Variants in DIAPH3 observed in about 807,000 individuals in gnomAD.
DIAPH3 encodes protein diaphanous homolog 3.
Under a neutral mutation model 144.3 loss-of-function variants are expected in DIAPH3, and 117 were observed. That is an observed-to-expected ratio of 0.81 (90% CI 0.70 to 0.95). The LOEUF (loss-of-function observed/expected upper bound fraction) is 0.95, where lower values mean the gene tolerates loss of function less well. Ranked by LOEUF, DIAPH3 falls within the 40% of genes least tolerant of loss-of-function variation. DIAPH3 has a pLI of 0.00. For synonymous variants in DIAPH3, 519 were observed against 488.9 expected (o/e 1.06, Z -0.81); for missense variants, 1,421 against 1,412.7 (o/e 1.01, Z -0.09).
intron 4 of DIAPH3, among the ~76,000 whole-genome samples, chr13:60,052,959 TAAAAAAAAAAAA>T (rs559991017): frequency 4.9e-5 from 2 of 40,660 alleles, no homozygotes; most frequent in Non-Finnish European, 8.0e-5. Flanking sequence ...GACTCCCTCT[TAAAAAAAAAAAA>T]AAAAAAAAAG....
intron 27 of DIAPH3, among the ~76,000 whole-genome samples, chr13:59,728,378 TAA>T (rs1482477973): frequency 6.6e-6 from 1 of 151,872 alleles, no homozygotes; most frequent in Non-Finnish European, 1.5e-5. Flanking sequence ...TTCCTGGAAA[TAA>T]TTAGGAAAAA....
At chr13:59,768,539 G>A (rs2037965712) in intron 27 of DIAPH3, among the ~76,000 whole-genome samples, 1 of 152,060 alleles carries the variant, frequency 6.6e-6, no homozygotes, top group Non-Finnish European at 1.5e-5. Context: ...TTGAGAAAAG[G>A]CAGGTCAAGA....
intron 27 of DIAPH3, among the ~76,000 whole-genome samples, chr13:59,764,077 T>C (rs1021770638): frequency 4.6e-5 from 7 of 151,952 alleles, no homozygotes; most frequent in Middle Eastern, 3.2e-3. Flanking sequence ...AAAAGGGAGT[T>C]AGAAGAGGCT....
In DIAPH3 at chr13:60,078,348, T is replaced by C. The variant is rs553144163; in HGVS notation, c.495+15280A>G. ...GACTAAAGAGAGAACAGGAGCTGGT[T>C]TGTGGTATAAGAAGGGCGGAACTAG... On this transcript the variant is annotated intron_variant, in intron 4 of 27. Transcript: ENST00000400324. 2.2e-4 allele frequency among the ~76,000 whole-genome samples: 33 copies of C among 152,146 alleles called. 1 individual carries two copies. The highest frequency in any genetic ancestry group is 7.9e-4 in the African/African-American group (33 of 41,526).
intron 17 of DIAPH3, among the ~76,000 whole-genome samples, chr13:59,963,052 C>T (rs1214255494): frequency 6.6e-6 from 1 of 152,044 alleles, no homozygotes; most frequent in Non-Finnish European, 1.5e-5. Flanking sequence ...ATTCTATTTG[C>T]AGACCCCAAG....
intron 18 of DIAPH3, among the ~76,000 whole-genome samples, 183 bp downstream of exon 18, chr13:59,924,592 T>C (rs549285743): frequency 2.6e-5 from 4 of 152,056 alleles, no homozygotes; most frequent in East Asian, 1.9e-4. Context: ...TTTTCTAATA[T>C]GCACTTATCT....
intron 20 of DIAPH3, among the ~76,000 whole-genome samples, chr13:59,884,243 A>G (rs549317429): frequency 6.6e-6 from 1 of 152,270 alleles, no homozygotes; most frequent in South Asian, 2.1e-4. Context: ...GCTGTCTCCT[A>G]TCACCCTCAG....
intron 4 of DIAPH3, among the ~76,000 whole-genome samples, chr13:60,087,108 G>A (rs1016244882): frequency 6.6e-6 from 1 of 152,086 alleles, no homozygotes; most frequent in Admixed American, 6.5e-5. Flanking sequence ...ATTGTTTAGG[G>A]AATAACAAGA....
intron 5 of DIAPH3, among the ~76,000 whole-genome samples, chr13:60,028,406 T>G (rs1401091898): frequency 6.6e-6 from 1 of 152,108 alleles, no homozygotes; most frequent in East Asian, 1.9e-4. Flanking sequence ...AGCAGCACGC[T>G]ATGCAGTTTG....
At chr13:59,832,319 C>T (rs2041819874) in intron 24 of DIAPH3, among the ~76,000 whole-genome samples, 1 of 151,760 alleles carries the variant, frequency 6.6e-6, no homozygotes, top group Admixed American at 6.6e-5. Flanking sequence ...CCAAGTCCAA[C>T]AACCTCAGCA....
chr13:60,088,469 G>A (rs146470657), intron 4 of DIAPH3, among the ~76,000 whole-genome samples: 12 of 152,052 alleles, frequency 7.9e-5, no homozygotes, highest in African/African-American at 2.9e-4. Context: ...CCTTTCAAGG[G>A]TCTGCTTTCA....
chr13:59,752,434 C>A (rs1419873572), intron 27 of DIAPH3, among the ~76,000 whole-genome samples: 2 of 149,996 alleles, frequency 1.3e-5, no homozygotes, highest in Non-Finnish European at 2.9e-5. Context: ...GTGGTACTAT[C>A]ATGGCTCACT....
chr13:60,030,597 G>T (rs1453543432), intron 5 of DIAPH3, among the ~76,000 whole-genome samples: 2 of 151,952 alleles, frequency 1.3e-5, no homozygotes, highest in African/African-American at 4.8e-5. Context: ...CCATATTAAG[G>T]CTTCACAATG....
chr13:59,991,125 G>T (rs747465820), intron 12 of DIAPH3, 33 bp downstream of exon 12: 5 of 1,365,640 alleles, frequency 3.7e-6, no homozygotes, highest in South Asian at 1.2e-5. Flanking sequence ...TTTTATTAGT[G>T]AAAGAAAACA....
intron 1 of DIAPH3, among the ~76,000 whole-genome samples, chr13:60,136,934 C>T (rs887115067): frequency 3.5e-5 from 3 of 86,018 alleles, no homozygotes; most frequent in East Asian, 2.5e-4. Context: ...AGCGAGACTC[C>T]GTCTCAAAAA....
intron 27 of DIAPH3, among the ~76,000 whole-genome samples, chr13:59,730,864 T>A (rs2035860523): frequency 6.6e-6 from 1 of 152,162 alleles, no homozygotes. Flanking sequence ...CCAGCACCTA[T>A]CAGTGCTCAA....
In DIAPH3 at chr13:60,163,663, A is replaced by G; in HGVS notation, c.104T>C (p.Met35Thr). Residue 35 changes from methionine to threonine, a missense_variant, in exon 1 of 28, where the codon ATG becomes ACG. Physicochemically the swap from Met to Thr is moderately conservative, Grantham distance 81. Coordinates refer to ENST00000400324, the MANE Select transcript of DIAPH3 (RefSeq NM_001042517.2). ...ASLRGCRESK[M>T]PRRKGPQHPP... ...GTGTTGGGGGCCCTTCCTGCGCGGC[A>G]TCTTGCTTTCCCGGCAGCCGCGGAG... 6.2e-7 allele frequency: 1 copy of G among 1,608,094 alleles called. No homozygotes were observed. The highest frequency in any genetic ancestry group is 8.5e-7 in the Non-Finnish European group (1 of 1,175,770).
intron 5 of DIAPH3, among the ~76,000 whole-genome samples, chr13:60,025,404 CAAAA>C (rs370177105): frequency 5.9e-5 from 4 of 68,114 alleles, no homozygotes; most frequent in East Asian, 7.9e-4. Context: ...TTGTGCTTAG[CAAAA>C]AAAAAAAAAA....
intron 20 of DIAPH3, among the ~76,000 whole-genome samples, chr13:59,880,931 A>G (rs2044980766): frequency 6.7e-6 from 1 of 148,904 alleles, no homozygotes; most frequent in Non-Finnish European, 1.5e-5. Context: ...GAACGTCTTC[A>G]TATTCCACTG....
Sources: gnomAD v4.1 joint callset for allele counts (sites outside exome capture counted in the v4.1 genomes callset) on GRCh38, gnomAD v4.1.1 for gene constraint, MANE v1.5 for transcripts, NCBI Gene and HGNC (gene_info 2026-07-23, HGNC 2026-07-21) for gene names.